Variants in TNC observed in about 807,000 individuals in gnomAD.
The protein encoded by TNC is tenascin.
In TNC, 109 loss-of-function variants were observed where a neutral mutation model predicts 202.4. The ratio of observed to expected loss-of-function variants is 0.54; its 90% confidence interval spans 0.46 to 0.63. TNC has a LOEUF of 0.63. Ranked by LOEUF, TNC falls within the 30% of genes least tolerant of loss-of-function variation. The probability of loss-of-function intolerance (pLI) is 0.00; values close to 1 mark genes in which losing one functional copy is unlikely to be tolerated. For missense variants in TNC, 2,756 were observed against 2,833.3 expected (o/e 0.97, Z 0.62); for synonymous variants, 1,007 against 1,089.7 (o/e 0.92, Z 1.50).
intron 1 of TNC, among the ~76,000 whole-genome samples, chr9:115,108,635 T>C (rs975005667): frequency 1.6e-4 from 24 of 152,232 alleles, no homozygotes; most frequent in Admixed American, 1.5e-3. Flanking sequence ...TCCTTTTTAT[T>C]GTCTGCCTTC....
intron 10 of TNC, among the ~76,000 whole-genome samples, chr9:115,067,744 A>AT (rs905587458): frequency 1.9e-4 from 28 of 149,600 alleles, no homozygotes; most frequent in East Asian, 5.9e-4. Context: ...TGATAGAGTG[A>AT]TTTTTTTTTT....
Position 115,030,384 on chromosome 9 carries a change from G to T in TNC, c.5942C>A (p.Pro1981His), listed in dbSNP as rs1483341803. Residue 1981 changes from proline (P) to histidine (H), a missense_variant, in exon 24 of 28, where the codon CCC (proline) becomes CAC (histidine). Physicochemically the swap from Pro to His is moderately conservative, Grantham distance 77 (BLOSUM62 -2). This residue lies in a region of TNC where 197 missense variants were observed against 287.3 expected (regional missense o/e 0.69). Coordinates refer to ENST00000350763, the MANE Select transcript of TNC (RefSeq NM_002160.4). ...FTTIGLLYPFPKDCSQAMLNG... is the reference protein window; with the variant it reads ...FTTIGLLYPFHKDCSQAMLNG... ...CAGCATTGCTTGGGAGCAGTCCTTG[G>T]GGAAGGGGTACAGGAGTCCAACTGT... 3.7e-6 allele frequency: 6 copies of T among 1,613,772 alleles called. No homozygotes were observed. The highest frequency in any genetic ancestry group is 5.1e-6 in the Non-Finnish European group (6 of 1,179,838).
chr9:115,072,058 C>T (rs2132994143), intron 10 of TNC, among the ~76,000 whole-genome samples: 1 of 152,354 alleles, frequency 6.6e-6, no homozygotes, highest in East Asian at 1.9e-4. Flanking sequence ...AAATTTCTCT[C>T]TTACAAATGA....
At chr9:115,099,202 G>A (rs1836029977) in intron 1 of TNC, among the ~76,000 whole-genome samples, 1 of 152,056 alleles carries the variant, frequency 6.6e-6, no homozygotes, top group South Asian at 2.1e-4. Context: ...GTTTATTCTT[G>A]CATTCAACAG....
At chr9:115,026,269 G>T (rs968660634) in intron 26 of TNC, among the ~76,000 whole-genome samples, 2 of 152,080 alleles carry the variant, frequency 1.3e-5, no homozygotes, top group African/African-American at 2.4e-5. Flanking sequence ...GGGTAAGAAA[G>T]ACACACTTTT....
intron 1 of TNC, among the ~76,000 whole-genome samples, chr9:115,103,272 A>C (rs1057501671): frequency 2.6e-5 from 4 of 152,222 alleles, no homozygotes; most frequent in African/African-American, 7.2e-5. Context: ...GGCCAGGCCT[A>C]AGATGCACTC....
intron 17 of TNC, 150 bp downstream of exon 17, chr9:115,046,260 T>C (rs1230036109): frequency 3.2e-6 from 3 of 926,278 alleles, no homozygotes; most frequent in Admixed American, 4.7e-5. Flanking sequence ...CTTAGCCAAA[T>C]TGTCCAAGGT....
Position 115,086,647 on chromosome 9 carries a change from C to T in TNC, c.1084G>A (p.Val362Ile), listed in dbSNP as rs534386423. The T allele has an allele frequency of 3.1e-6, 5 of 1,614,080 alleles. No homozygotes were observed. Among genetic ancestry groups the T allele is most frequent in the Non-Finnish European group, 4.2e-6 (5 of 1,180,056 alleles). ...TQGRCEEGQCVCDEGFAGVDC... is the reference protein window; with the variant it reads ...TQGRCEEGQCICDEGFAGVDC... ...ACACCGGCAAAGCCCTCATCACATA[C>T]ACACTGCCCCTCCTCACACCGGCCC... Residue 362 changes from valine (V) to isoleucine (I), a missense_variant, in exon 3 of 28, where the codon GTA becomes ATA. Val to Ile is a conservative substitution (Grantham distance 29). Transcript: ENST00000350763.
intron 6 of TNC, among the ~76,000 whole-genome samples, chr9:115,080,078 T>C (rs1834187978): frequency 6.6e-6 from 1 of 152,218 alleles, no homozygotes. Flanking sequence ...CTGGCCAACA[T>C]GGTGAAATCC....
chr9:115,023,490 C>G (rs1829244422), intron 27 of TNC, among the ~76,000 whole-genome samples: 1 of 152,186 alleles, frequency 6.6e-6, no homozygotes, highest in Non-Finnish European at 1.5e-5. Context: ...GGAGAGCTGG[C>G]TCTGCTGCCA....
chr9:115,111,610 C>T (rs1288334933), intron 1 of TNC, among the ~76,000 whole-genome samples: 2 of 151,842 alleles, frequency 1.3e-5, no homozygotes, highest in Non-Finnish European at 2.9e-5. Flanking sequence ...GGGGTTTCAG[C>T]ATATTGGCCA....
chr9:115,092,827 C>T (rs771339486), intron 1 of TNC, among the ~76,000 whole-genome samples: 27 of 151,942 alleles, frequency 1.8e-4, no homozygotes, highest in South Asian at 1.7e-3. Flanking sequence ...CTCAGGCAAT[C>T]CACTTGCCTC....
intron 17 of TNC, among the ~76,000 whole-genome samples, chr9:115,042,600 T>A (rs1281537843): frequency 6.6e-6 from 1 of 152,208 alleles, no homozygotes; most frequent in Non-Finnish European, 1.5e-5. Flanking sequence ...CATAGCTGAC[T>A]TCCAAGGAAT....
At chr9:115,039,946 T>G (rs1405429029) in intron 19 of TNC, among the ~76,000 whole-genome samples, 2 of 152,272 alleles carry the variant, frequency 1.3e-5, no homozygotes, top group Non-Finnish European at 2.9e-5. Context: ...TTGTCAACTC[T>G]TTCAGGCTAT....
In TNC at chr9:115,086,871, T is replaced by A. The variant is rs374002102; in HGVS notation, c.860A>T (p.Asn287Ile). The change falls in exon 3 of 28, where the codon AAT becomes ATT. Residue 287 changes from asparagine to isoleucine, a missense_variant. By Grantham distance (149) the Asn-to-Ile change is moderately radical. This residue lies in a region of TNC where 2,559 missense variants were observed against 2,546.0 expected (regional missense o/e 1.01). Transcript: ENST00000350763. ...DDCNKPLCLNNCYNRGRCVEN... is the reference protein window; with the variant it reads ...DDCNKPLCLNICYNRGRCVEN... ...CACGCATCGTCCACGGTTGTAGCAA[T>A]TGTTGAGACACAGAGGCTTGTTGCA... is the stretch of plus-strand genomic sequence containing the variant. The A allele has an allele frequency of 6.2e-7, 1 of 1,614,160 alleles. No individual in the cohort carries two copies. Among genetic ancestry groups the A allele is most frequent in the Admixed American group, 1.7e-5 (1 of 60,018 alleles).
At chr9:115,089,194 G>A (rs1453291550) in intron 2 of TNC, among the ~76,000 whole-genome samples, 1 of 152,182 alleles carries the variant, frequency 6.6e-6, no homozygotes, top group South Asian at 2.1e-4. Flanking sequence ...GAAACCTAGA[G>A]CCTGTCCTGC....
intron 15 of TNC, among the ~76,000 whole-genome samples, chr9:115,049,428 C>G (rs1314783203): frequency 6.6e-6 from 1 of 152,046 alleles, no homozygotes; most frequent in East Asian, 1.9e-4. Flanking sequence ...GCCTTCCAAC[C>G]CCGATCACAT....
At chr9:115,057,884 T>A (rs1174355945) in intron 14 of TNC, among the ~76,000 whole-genome samples, 1 of 152,242 alleles carries the variant, frequency 6.6e-6, no homozygotes, top group Admixed American at 6.5e-5. Flanking sequence ...GGAGCTCCCA[T>A]CTATTCAAAT....
rs757875236 is a variant in TNC at position 115,087,245 on chromosome 9, G to A, written c.486C>T (p.Ser162=). Residue 162 remains serine, a synonymous_variant, in exon 3 of 28, where the codon AGC becomes AGT. Transcript: ENST00000350763. The part of the protein sequence containing the change: ...TGRLDTRPFC[S]GRGNFSTEGC... ...CTTCAGTGCTGAAGTTGCCCCGACC[G>A]CTACAGAAGGGCCTGGTGTCCAAGC... is the stretch of plus-strand genomic sequence containing the variant. The A allele has an allele frequency of 1.9e-5, 30 of 1,613,770 alleles. No homozygotes were observed. Among genetic ancestry groups the A allele is most frequent in the South Asian group, 1.8e-4 (16 of 91,086 alleles).
Sources: gnomAD v4.1 joint callset for allele counts (sites outside exome capture counted in the v4.1 genomes callset) on GRCh38, gnomAD v4.1.1 for gene constraint, gnomAD v4.1.1 regional missense constraint, MANE v1.5 for transcripts, NCBI Gene and HGNC (gene_info 2026-07-23, HGNC 2026-07-21) for gene names.